The following FMN1 variants were observed in gnomAD, a reference collection of about 807,000 sequenced individuals.
FMN1 encodes formin-1.
Under a neutral mutation model 132.4 loss-of-function variants are expected in FMN1, and 110 were observed. The ratio of observed to expected loss-of-function variants is 0.83; its 90% CI spans 0.71 to 0.97. FMN1 has a LOEUF of 0.97. Among genes scored for constraint, FMN1 ranks in the 50% least tolerant of loss-of-function variants. The pLI is 0.00. For synonymous variants in FMN1, 722 were observed against 651.7 expected, an observed-to-expected ratio of 1.11 and a Z score of -1.64; for missense variants, 1,792 against 1,705.3, an observed-to-expected ratio of 1.05 and a Z score of -0.90.
chr15:32,999,430 A>T lies in FMN1; in HGVS notation c.2223+8584T>A, dbSNP rs540130462. Among the ~76,000 whole-genome samples the T allele has an allele frequency of 4.6e-5, 7 of 152,336 alleles. No individual in the cohort carries two copies. The South Asian group carries it at 1.5e-3, about 32-fold the overall frequency. On this transcript the variant is annotated intron_variant, in intron 7 of 20. Transcript: ENST00000616417. ...ATGTGTTGGCCACAGTAAAATGAGG[A>T]AGTCTACAAGTCTTAATGGAGGCCA... is the stretch of plus-strand genomic sequence containing the variant.
At chr15:33,096,541 GAGA>G (rs2039090990) in intron 4 of FMN1, among the ~76,000 whole-genome samples, 1 of 152,050 alleles carries the variant, frequency 6.6e-6, no homozygotes, top group East Asian at 2.0e-4. Context: ...CATTAGTACT[GAGA>G]AGGAGTCCTG....
intron 18 of FMN1, among the ~76,000 whole-genome samples, chr15:32,800,778 C>T (rs16959022): frequency 0.072 from 10,940 of 152,276 alleles, 963 homozygotes; most frequent in East Asian, 0.46. Context: ...CTTTCTGTTG[C>T]TCATGCTCAA....
chr15:32,808,308 G>A (rs1224217004), intron 17 of FMN1, among the ~76,000 whole-genome samples: 2 of 152,222 alleles, frequency 1.3e-5, no homozygotes, highest in East Asian at 3.8e-4. Context: ...TGTCACCTGA[G>A]TGTCATGAGC....
chr15:33,088,407 G>C (rs115633872), intron 5 of FMN1, among the ~76,000 whole-genome samples: 1 of 152,142 alleles, frequency 6.6e-6, no homozygotes, highest in Non-Finnish European at 1.5e-5. Flanking sequence ...CAGGGTATTC[G>C]GATTTCACTT....
chr15:32,921,437 G>A (rs536100022), intron 10 of FMN1, among the ~76,000 whole-genome samples: 1 of 152,284 alleles, frequency 6.6e-6, no homozygotes, highest in African/African-American at 2.4e-5. Flanking sequence ...GCCAAGCATG[G>A]AAAACATTAG....
chr15:32,782,941 G>C (rs1028599490), intron 19 of FMN1, among the ~76,000 whole-genome samples: 1 of 152,166 alleles, frequency 6.6e-6, no homozygotes, highest in Non-Finnish European at 1.5e-5. Flanking sequence ...ATAAGTGGGA[G>C]CTAAACAGTG....
intron 3 of FMN1, among the ~76,000 whole-genome samples, chr15:33,173,496 C>T (rs2140325623): frequency 6.6e-6 from 1 of 152,352 alleles, no homozygotes. Context: ...TCCCTAAGAA[C>T]TCAAAATGGT....
intron 7 of FMN1, among the ~76,000 whole-genome samples, chr15:32,999,044 C>T (rs1216321789): frequency 1.3e-5 from 2 of 152,192 alleles, no homozygotes; most frequent in African/African-American, 4.8e-5. Flanking sequence ...ATTTCACAGT[C>T]ACACTAAAAT....
At chr15:32,856,925 G>C (rs1342587978) in intron 17 of FMN1, 90 bp downstream of exon 17, 7 of 883,278 alleles carry the variant, frequency 7.9e-6, no homozygotes, top group Admixed American at 1.9e-5. Context: ...GGTCAGCCAG[G>C]ATGCCAGGGG....
chr15:33,101,285 A>C (rs994094333), intron 4 of FMN1, among the ~76,000 whole-genome samples: 1 of 152,074 alleles, frequency 6.6e-6, no homozygotes, highest in Non-Finnish European at 1.5e-5. Flanking sequence ...ATACTGGAGG[A>C]GGTTGGCGAT....
intron 19 of FMN1, among the ~76,000 whole-genome samples, chr15:32,780,967 A>C (rs901445413): frequency 7.9e-5 from 12 of 152,332 alleles, no homozygotes; most frequent in African/African-American, 2.9e-4. Flanking sequence ...GATACTCAAT[A>C]ATTTCATGAT....
At chr15:32,970,803 A>AG (rs397742808) in intron 7 of FMN1, 10 of 151,266 alleles carry the variant, frequency 6.6e-5, no homozygotes, top group Non-Finnish European at 1.3e-4. Flanking sequence ...AAAAAAAAAA[A>AG]GATAACTTTT....
chr15:32,943,260 G>C (rs764818939), intron 9 of FMN1, among the ~76,000 whole-genome samples: 1 of 152,148 alleles, frequency 6.6e-6, no homozygotes, highest in Non-Finnish European at 1.5e-5. Context: ...GGCCTTTCTT[G>C]GTAAGATTGA....
At chr15:33,001,631 CTT>C (rs200187763) in intron 7 of FMN1, among the ~76,000 whole-genome samples, 1 of 115,004 alleles carries the variant, frequency 8.7e-6, no homozygotes. Flanking sequence ...GGTCTTTGTG[CTT>C]TTTTTTTTGG....
intron 15 of FMN1, among the ~76,000 whole-genome samples, chr15:32,898,108 C>T (rs1008829841): frequency 7.9e-5 from 12 of 152,132 alleles, no homozygotes; most frequent in African/African-American, 2.7e-4. Context: ...AAACTGCAGG[C>T]CTATTGAAAG....
chr15:32,985,945 A>G (rs1202481081), intron 7 of FMN1, among the ~76,000 whole-genome samples: 1 of 152,150 alleles, frequency 6.6e-6, no homozygotes, highest in Admixed American at 6.6e-5. Context: ...TAAGGGGCCA[A>G]TGCAGGTGTT....
In FMN1 at chr15:32,969,497, G is replaced by C; in HGVS notation, c.2224-20C>G. ...CTGTGCCTATAGGAAAATTCAGAGG[G>C]AAAGAAAGTAATGAGTTTATTAAGA... is the stretch of plus-strand genomic sequence containing the variant. On this transcript the variant is annotated intron_variant, in intron 7 of 20. Coordinates refer to ENST00000616417, the MANE Select transcript of FMN1 (RefSeq NM_001277313.2). 6.2e-7 allele frequency: 1 copy of C among 1,607,730 alleles called. No homozygotes were observed. Among genetic ancestry groups the C allele is most frequent in the South Asian group, 1.1e-5 (1 of 90,398 alleles).
At chr15:32,856,936 C>T in intron 17 of FMN1, 79 bp downstream of exon 17, 1 of 1,004,852 alleles carries the variant, frequency 1.0e-6, no homozygotes, top group Non-Finnish European at 1.6e-6. Context: ...ATGCCAGGGG[C>T]CGTGGGCCTC....
rs188461821 is a variant in FMN1 at position 33,100,709 on chromosome 15, C to A, written c.1868-11735G>T. ...TAAAAATCCACTTGTGTGAATCTAT[C>A]CTTCTGTGAATTTAAGTAAATGGAA... On this transcript the variant is annotated intron_variant, in intron 4 of 20. Transcript: ENST00000616417. Among the ~76,000 whole-genome samples the A allele has an allele frequency of 1.6e-3, 239 of 152,246 alleles. 1 individual carries two copies. The highest frequency in any genetic ancestry group is 5.4e-3 in the African/African-American group (224 of 41,568).
Sources: allele counts gnomAD v4.1 joint callset (sites outside exome capture counted in the v4.1 genomes callset), GRCh38; gene constraint gnomAD v4.1.1; transcripts MANE v1.5; gene names NCBI Gene and HGNC (gene_info 2026-07-23, HGNC 2026-07-21).